The following C1orf87 variants were observed in gnomAD, a reference collection of about 807,000 sequenced individuals.
C1orf87 encodes the protein chromosome 1 open reading frame 87, also known as uncharacterized protein C1orf87.
A neutral mutation model predicts 60.5 loss-of-function variants in C1orf87; 58 were observed. The observed-to-expected ratio is 0.96, with a 90% CI of 0.78 to 1.19. C1orf87 has a LOEUF of 1.19. C1orf87 is among the 50% of genes most tolerant of loss of function. C1orf87 has a pLI of 0.00. For synonymous variants in C1orf87, 236 were observed against 227.4 expected (o/e 1.04, Z -0.34); for missense variants, 673 against 638.6 (o/e 1.05, Z -0.58).
chr1:59,997,919 GT>G, intron 10 of C1orf87, 103 bp from the exon 11 acceptor site: 3 of 1,138,558 alleles, frequency 2.6e-6, no homozygotes, highest in Non-Finnish European at 3.7e-6. Flanking sequence ...TTATAGCAAG[GT>G]TTGAGTTTGG....
intron 2 of C1orf87, among the ~76,000 whole-genome samples, chr1:60,065,007 T>TATATATATTTAATATATATAAA: frequency 3.1e-5 from 2 of 63,746 alleles, no homozygotes; most frequent in South Asian, 6.7e-4. Flanking sequence ...AAATATTAAA[T>TATATATATTTAATATATATAAA]ATATATTAAA....
At chr1:59,997,428 C>T (rs1644970957) in intron 11 of C1orf87, among the ~76,000 whole-genome samples, 181 bp downstream of exon 11, 1 of 152,134 alleles carries the variant, frequency 6.6e-6, no homozygotes, top group African/African-American at 2.4e-5. Flanking sequence ...TATAAGCAAT[C>T]TGGTATGGGA....
In C1orf87 at chr1:60,040,002, A is replaced by C; in HGVS notation, c.662T>G (p.Leu221Arg). The stretch of plus-strand genomic sequence containing the variant: ...TAGAGGGACTTCATGCTTCAAAAAG[A>C]GGCGGCTCAGCTGAGATTGGAGAAG... ...GFLLQSQLSRLFLKHEVPLQL... is the reference protein window; with the variant it reads ...GFLLQSQLSRRFLKHEVPLQL... Residue 221 changes from leucine (L) to arginine (R), a missense_variant, in exon 5 of 12, where the codon CTC becomes CGC. Physicochemically the swap from Leu to Arg is moderately radical, Grantham distance 102. Transcript: ENST00000371201. 1 of 1,614,200 alleles carries C rather than the reference A, an allele frequency of 6.2e-7. No homozygotes were observed. The highest frequency in any genetic ancestry group is 8.5e-7 in the Non-Finnish European group (1 of 1,180,016).
chr1:60,067,569 T>TTTTG (rs1407192402), intron 2 of C1orf87, among the ~76,000 whole-genome samples: 11 of 149,970 alleles, frequency 7.3e-5, no homozygotes, highest in African/African-American at 2.5e-4. Flanking sequence ...GGTTTTTTTT[T>TTTTG]TTTTTTTTTT....
At chr1:60,005,804 C>CT (rs36114324) in intron 9 of C1orf87, among the ~76,000 whole-genome samples, 8,989 of 132,094 alleles carry the variant, frequency 0.068, 1,028 homozygotes, top group African/African-American at 0.23. Context: ...TCTCAGCATT[C>CT]TTTTTTTTTT....
At chr1:60,040,886 A>T (rs1645318964) in intron 4 of C1orf87, 105 bp downstream of exon 4, 11 of 1,303,398 alleles carry the variant, frequency 8.4e-6, no homozygotes, top group Non-Finnish European at 1.0e-5. Context: ...AGCCACTATG[A>T]CCAGCCCTCA....
chr1:60,022,965 AGAACGG>A (rs1193649033), intron 8 of C1orf87, among the ~76,000 whole-genome samples: 3 of 152,152 alleles, frequency 2.0e-5, no homozygotes, highest in Non-Finnish European at 1.5e-5. Context: ...CATGCTACTC[AGAACGG>A]TGCACGACTT....
chr1:60,058,823 G>T (rs1645474796), intron 2 of C1orf87, among the ~76,000 whole-genome samples: 1 of 152,202 alleles, frequency 6.6e-6, no homozygotes, highest in African/African-American at 2.4e-5. Flanking sequence ...GGAGCTGAAA[G>T]TACAGGAGCA....
intron 2 of C1orf87, among the ~76,000 whole-genome samples, chr1:60,061,820 G>A (rs915729106): frequency 6.0e-5 from 9 of 149,040 alleles, no homozygotes; most frequent in Non-Finnish European, 1.3e-4. Context: ...GCTTTGTGGT[G>A]CACACCTGTA....
chr1:60,013,039 T>C (rs978674888), intron 8 of C1orf87, among the ~76,000 whole-genome samples: 1 of 152,148 alleles, frequency 6.6e-6, no homozygotes, highest in African/African-American at 2.4e-5. Flanking sequence ...TTAGTTTTAT[T>C]GGGTTTTTGG....
chr1:60,062,797 T>C (rs1050339363), intron 2 of C1orf87, among the ~76,000 whole-genome samples: 2 of 152,184 alleles, frequency 1.3e-5, no homozygotes, highest in South Asian at 2.1e-4. Context: ...TTTTAAACTA[T>C]ATAGAATTCA....
chr1:59,995,917 T>C (rs2100234349), intron 11 of C1orf87, among the ~76,000 whole-genome samples: 1 of 152,350 alleles, frequency 6.6e-6, no homozygotes, highest in African/African-American at 2.4e-5. Context: ...TACCTAAAGG[T>C]AAGCTCCTTG....
chr1:60,014,452 G>A lies in C1orf87; in HGVS notation c.1128-3996C>T, dbSNP rs183402767. Among the ~76,000 whole-genome samples the A allele has an allele frequency of 1.4e-4, 21 of 152,106 alleles. No homozygotes were observed. In the East Asian group the frequency reaches 3.5e-3, roughly 25 times the overall value. Reference sequence around the variant, plus strand: ...CTGTTAGTCAGTTTTTGCTACTCACGTGTTGTTTGTTTCTTTCCTTCTTCA... The same window carrying A: ...CTGTTAGTCAGTTTTTGCTACTCACATGTTGTTTGTTTCTTTCCTTCTTCA... On this transcript the variant is annotated intron_variant, in intron 8 of 11. Transcript: ENST00000371201.
intron 2 of C1orf87, among the ~76,000 whole-genome samples, chr1:60,058,566 G>T (rs976816826): frequency 1.3e-5 from 2 of 152,050 alleles, no homozygotes; most frequent in Admixed American, 1.3e-4. Flanking sequence ...TGACAGCCAC[G>T]CTATACTTAT....
Position 60,065,284 on chromosome 1 carries a change from G to A in C1orf87, c.107+7253C>T, listed in dbSNP as rs1645538007. 4.6e-5 allele frequency among the ~76,000 whole-genome samples: 7 copies of A among 151,402 alleles called. No homozygotes were observed. In the South Asian group the frequency reaches 1.5e-3, roughly 32 times the overall value. Reference sequence around the variant, plus strand: ...TTGCAGCCTCTTTTTCTTGAGCAGGGGAGGGAAGAAGATACTATTAGCTTC... The same window carrying A: ...TTGCAGCCTCTTTTTCTTGAGCAGGAGAGGGAAGAAGATACTATTAGCTTC... On this transcript the variant is annotated intron_variant, in intron 2 of 11. Coordinates refer to ENST00000371201, the MANE Select transcript of C1orf87 (RefSeq NM_152377.3).
intron 7 of C1orf87, among the ~76,000 whole-genome samples, chr1:60,033,054 A>G (rs940988510): frequency 2.0e-5 from 3 of 152,214 alleles, no homozygotes; most frequent in Non-Finnish European, 4.4e-5. Flanking sequence ...TTAATGCTCC[A>G]AAACAGCATG....
At chr1:60,012,953 A>G (rs1645099354) in intron 8 of C1orf87, among the ~76,000 whole-genome samples, 2 of 152,116 alleles carry the variant, frequency 1.3e-5, no homozygotes, top group African/African-American at 4.8e-5. Context: ...GTCTTCTGAC[A>G]TTTATTTTTG....
chr1:60,057,229 A>G (rs1645463591), intron 2 of C1orf87, among the ~76,000 whole-genome samples: 1 of 152,184 alleles, frequency 6.6e-6, no homozygotes, highest in Non-Finnish European at 1.5e-5. Context: ...GAAATTTCTG[A>G]AAAGGGTCCA....
At chr1:60,054,595 C>G (rs932809913) in intron 3 of C1orf87, among the ~76,000 whole-genome samples, 2 of 152,146 alleles carry the variant, frequency 1.3e-5, no homozygotes, top group Admixed American at 6.5e-5. Context: ...GGAAATGGTA[C>G]TTTGTTATCA....
Sources: allele counts gnomAD v4.1 joint callset (sites outside exome capture counted in the v4.1 genomes callset), GRCh38; gene constraint gnomAD v4.1.1; transcripts MANE v1.5; gene names NCBI Gene and HGNC (gene_info 2026-07-23, HGNC 2026-07-21).